The following BLNK variants were observed in gnomAD, a reference collection of about 807,000 sequenced individuals.
BLNK encodes the protein B-cell linker protein.
BLNK carries 29 observed loss-of-function variants against 73.5 expected under a neutral mutation model. The ratio of observed to expected loss-of-function variants is 0.39; its 90% CI spans 0.29 to 0.54. BLNK has a LOEUF of 0.54. Ranked by LOEUF, BLNK falls within the 20% of genes least tolerant of loss-of-function variation. The pLI, the probability that BLNK is intolerant of heterozygous loss-of-function variation, is 0.61. For synonymous variants in BLNK, 176 were observed against 200.8 expected (o/e 0.88, Z 1.04); for missense variants, 460 against 562.8 (o/e 0.82, Z 1.85).
intron 1 of BLNK, among the ~76,000 whole-genome samples, chr10:96,248,906 T>C (rs1554908381): frequency 2.0e-5 from 3 of 152,252 alleles, no homozygotes; most frequent in African/African-American, 7.2e-5. Flanking sequence ...TTATAGCATG[T>C]GTAGATATCA....
At chr10:96,193,484 G>A (rs936145638) in intron 16 of BLNK, among the ~76,000 whole-genome samples, 2 of 152,156 alleles carry the variant, frequency 1.3e-5, no homozygotes, top group Admixed American at 6.5e-5. Context: ...TGTGGTGTTC[G>A]GGGATTGAAG....
At chr10:96,259,999 G>A (rs1451032186) in intron 1 of BLNK, among the ~76,000 whole-genome samples, 1 of 152,050 alleles carries the variant, frequency 6.6e-6, no homozygotes, top group Non-Finnish European at 1.5e-5. Context: ...AATTGGCATG[G>A]CCCTTCCCCT....
intron 3 of BLNK, among the ~76,000 whole-genome samples, chr10:96,231,517 A>G (rs1286612197): frequency 3.9e-5 from 6 of 152,134 alleles, no homozygotes; most frequent in African/African-American, 1.4e-4. Context: ...GCTTGAGCCC[A>G]GGAGTTCAAG....
At position 96,239,149 on chromosome 10, in the gene BLNK, G is replaced by A. The variant is rs41291612; in HGVS notation, c.163+3586C>T. On this transcript the variant is annotated intron_variant, in intron 3 of 16. Transcript: ENST00000224337. ...TCAAGACTATTTGGAAGGGTTCCAGGAAAGGGAGCAGGTGTCTGAGGACAA... is the reference window on the plus strand; with the variant it reads ...TCAAGACTATTTGGAAGGGTTCCAGAAAAGGGAGCAGGTGTCTGAGGACAA... The A allele has an allele frequency of 2.3e-3, 906 of 398,674 alleles. 3 individuals are homozygous for A. Among genetic ancestry groups the A allele is most frequent in the Non-Finnish European group, 3.6e-3 (817 of 226,120 alleles). The allele number at this position is 398,674 out of a possible 1,614,324, so 24.7% of individuals were successfully genotyped here. A position where few individuals can be genotyped will look rare whatever the true frequency, so the allele number is the denominator to read the frequency against.
Position 96,200,009 on chromosome 10 carries a change from A to G in BLNK, c.1095+66T>C. 1.0e-6 allele frequency: 1 copy of G among 1,000,778 alleles called. No individual in the cohort carries two copies. Among genetic ancestry groups the G allele is most frequent in the Non-Finnish European group, 1.3e-6 (1 of 785,896 alleles). The allele number at this position is 1,000,778 out of a possible 1,614,324, so 62.0% of individuals were successfully genotyped here. A position where few individuals can be genotyped will look rare whatever the true frequency, so the allele number is the denominator to read the frequency against. ...AGCCACTGCACTCCAGTGAAACTGCATCATCTCAAAACAAATAAATAAAAT... is the reference window on the plus strand; with the variant it reads ...AGCCACTGCACTCCAGTGAAACTGCGTCATCTCAAAACAAATAAATAAAAT... On this transcript the variant is annotated intron_variant, in intron 15 of 16. Transcript: ENST00000224337. This position sits in a 1 kb window ranked among gnomAD's most constrained non-coding sequence, Gnocchi z 4.3.
chr10:96,189,231 C>T lies in BLNK; in HGVS notation c.*2742G>A. 1 of 372,116 alleles carries T rather than the reference C, an allele frequency of 2.7e-6. No homozygotes were observed. Among genetic ancestry groups the T allele is most frequent in the Non-Finnish European group, 5.1e-6 (1 of 197,842 alleles). The allele number at this position is 372,116 out of a possible 1,614,324, so 23.1% of individuals were successfully genotyped here. A position where few individuals can be genotyped will look rare whatever the true frequency, so the allele number is the denominator to read the frequency against. ...GGACAACACATTCTTGGCAATGGAACCTGGACAACATTTATTAAACACAGT... is the reference window on the plus strand; with the variant it reads ...GGACAACACATTCTTGGCAATGGAATCTGGACAACATTTATTAAACACAGT... On this transcript the variant is annotated 3_prime_UTR_variant, in exon 17 of 17. Coordinates refer to ENST00000224337, the MANE Select transcript of BLNK (RefSeq NM_013314.4).
intron 1 of BLNK, among the ~76,000 whole-genome samples, chr10:96,247,283 T>C (rs1299375418): frequency 6.6e-6 from 1 of 152,204 alleles, no homozygotes; most frequent in African/African-American, 2.4e-5. Flanking sequence ...TCCGTTGGGA[T>C]GTCTGGACCA....
intron 9 of BLNK, among the ~76,000 whole-genome samples, chr10:96,208,162 C>T (rs989245432): frequency 1.8e-4 from 28 of 152,220 alleles, no homozygotes; most frequent in Middle Eastern, 3.4e-3. Context: ...ACTCTTGCAC[C>T]AGTTGCACTA....
At position 96,223,881 on chromosome 10, in the gene BLNK, G is replaced by A; in HGVS notation, c.470C>T (p.Thr157Ile). 6.2e-7 allele frequency: 1 copy of A among 1,613,950 alleles called. No homozygotes were observed. ...ARLTSTLPAL[T>I]ALQKPQVPPK... ...TGGGACTTGAGGTTTCTGCAAAGCA[G>A]TCAGGGCCGGCAGGGTGGAGGTGAG... The change falls in exon 6 of 17, where the codon ACT becomes ATT. Residue 157 changes from threonine to isoleucine, a missense_variant. By Grantham distance (89) the Thr-to-Ile change is moderately conservative. This residue lies in a region of BLNK where 233 missense variants were observed against 232.1 expected (regional missense o/e 1.00). Coordinates refer to ENST00000224337, the MANE Select transcript of BLNK (RefSeq NM_013314.4).
chr10:96,248,270 G>A (rs1424951724), intron 1 of BLNK, among the ~76,000 whole-genome samples: 2 of 152,084 alleles, frequency 1.3e-5, no homozygotes, highest in Non-Finnish European at 2.9e-5. Context: ...AGCCTTTCTC[G>A]ATTTACAAAG....
chr10:96,195,339 G>A (rs1346711571), intron 16 of BLNK, among the ~76,000 whole-genome samples: 24 of 152,190 alleles, frequency 1.6e-4, no homozygotes, highest in African/African-American at 5.8e-4. Flanking sequence ...TGAAAGCAGT[G>A]TCCTGGAGAG....
At chr10:96,239,768 G>A (rs948641372) in intron 3 of BLNK, among the ~76,000 whole-genome samples, 5 of 152,102 alleles carry the variant, frequency 3.3e-5, no homozygotes, top group Admixed American at 6.6e-5. Context: ...AATAATAGAT[G>A]GATGCTACCT....
chr10:96,191,235 CT>C lies in BLNK; in HGVS notation c.*737del, dbSNP rs34920263. On this transcript the variant is annotated 3_prime_UTR_variant, in exon 17 of 17. Coordinates refer to ENST00000224337, the MANE Select transcript of BLNK (RefSeq NM_013314.4). ...GTGGAACTGTGAGTCCATTAAACCT[CT>C]TTTTTTTTTTTTTTTTTTATGTAAA... Among the ~76,000 whole-genome samples, 3,808 of 130,226 alleles carry C rather than the reference CT, an allele frequency of 0.029. 82 individuals carry two copies. Among genetic ancestry groups the C allele is most frequent in the African/African-American group, 0.071 (2,456 of 34,400 alleles). 85.4% of individuals were successfully genotyped at this position (130,226 alleles called of 152,430 possible). A position where few individuals can be genotyped will look rare whatever the true frequency, so the allele number is the denominator to read the frequency against.
At position 96,215,377 on chromosome 10, in the gene BLNK, T is replaced by C; in HGVS notation, c.620A>G (p.Asn207Ser). The C allele has an allele frequency of 6.2e-7, 1 of 1,613,470 alleles. No homozygotes were observed. The highest frequency in any genetic ancestry group is 8.5e-7 in the Non-Finnish European group (1 of 1,179,820). Residue 207 changes from asparagine to serine, a missense_variant, in exon 8 of 17, where the codon AAT becomes AGT. Around this residue, in one of 3 missense-constraint regions of BLNK, gnomAD observed 233 missense variants for 232.1 expected, o/e 1.00. Transcript: ENST00000224337. ...TGAGGAATTTGGCTTGGTTGATCTA[T>C]TCACCATGGGAGCTTAAACACAGAA... Reference protein sequence around the residue: ...SPPPEKAPMVNRSTKPNSSTP... With the variant: ...SPPPEKAPMVSRSTKPNSSTP...
In BLNK at chr10:96,191,715, A is replaced by T; in HGVS notation, c.*258T>A. 3.0e-6 allele frequency: 1 copy of T among 333,806 alleles called. No homozygotes were observed. 20.7% of individuals were successfully genotyped at this position (333,806 alleles called of 1,614,324 possible). On this transcript the variant is annotated 3_prime_UTR_variant, in exon 17 of 17. Transcript: ENST00000224337. ...ACTTTACACTTATTTTTAAAAATAA[A>T]AATATTTATTTGGAAAATATTAGTA...
At chr10:96,261,467 G>A (rs374814844) in intron 1 of BLNK, among the ~76,000 whole-genome samples, 4 of 152,124 alleles carry the variant, frequency 2.6e-5, no homozygotes, top group African/African-American at 9.7e-5. Context: ...TTCATGAATA[G>A]CTTTTGTTTT....
chr10:96,244,498 A>G (rs1399624889), intron 2 of BLNK, among the ~76,000 whole-genome samples: 1 of 152,090 alleles, frequency 6.6e-6, no homozygotes, highest in Admixed American at 6.6e-5. Context: ...AACCCCCAAC[A>G]CTTCATGCTC....
At position 96,223,872 on chromosome 10, in the gene BLNK, T is replaced by C. The variant is rs781989662; in HGVS notation, c.479A>G (p.Gln160Arg). The change falls in exon 6 of 17, where the codon CAG (glutamine) becomes CGG (arginine). Residue 160 changes from glutamine to arginine, a missense_variant. Gln to Arg is a conservative substitution (Grantham distance 43, BLOSUM62 1). Transcript: ENST00000224337. Reference protein sequence around the residue: ...TSTLPALTALQKPQVPPKPKG... With the variant: ...TSTLPALTALRKPQVPPKPKG... The stretch of plus-strand genomic sequence containing the variant: ...GGGTTTGGGTGGGACTTGAGGTTTC[T>C]GCAAAGCAGTCAGGGCCGGCAGGGT... 1.2e-6 allele frequency: 2 copies of C among 1,613,906 alleles called. No homozygotes were observed. Among genetic ancestry groups the C allele is most frequent in the Non-Finnish European group, 1.7e-6 (2 of 1,180,020 alleles).
At chr10:96,256,880 CAAAA>C (rs1295010912) in intron 1 of BLNK, among the ~76,000 whole-genome samples, 2 of 103,470 alleles carry the variant, frequency 1.9e-5, no homozygotes, top group East Asian at 3.0e-4. Context: ...GACTCCATCT[CAAAA>C]AAAAAAAAAA....
Sources: allele counts gnomAD v4.1 joint callset (sites outside exome capture counted in the v4.1 genomes callset), GRCh38; gene constraint gnomAD v4.1.1; regional missense constraint gnomAD v4.1.1; non-coding constraint Gnocchi (gnomAD v3.1); transcripts MANE v1.5; gene names NCBI Gene and HGNC (gene_info 2026-07-23, HGNC 2026-07-21).